RAPGEF5: variants seen among roughly 807,000 people sequenced by gnomAD.
RAPGEF5 encodes Rap guanine nucleotide exchange factor 5.
A neutral mutation model predicts 125.2 loss-of-function variants in RAPGEF5; 65 were observed. The ratio of observed to expected loss-of-function variants is 0.52; its 90% CI spans 0.43 to 0.64. The LOEUF is 0.64. RAPGEF5 is among the 30% of genes least tolerant of loss of function. The pLI, the probability that RAPGEF5 is intolerant of heterozygous loss-of-function variation, is 0.00. For missense variants in RAPGEF5, 958 were observed against 1,048.1 expected, an observed-to-expected ratio of 0.91 and a Z score of 1.19; for synonymous variants, 391 against 385.9, an observed-to-expected ratio of 1.01 and a Z score of -0.16.
At chr7:22,348,018 G>C (rs1387986842) in intron 1 of RAPGEF5, among the ~76,000 whole-genome samples, 1 of 152,260 alleles carries the variant, frequency 6.6e-6, no homozygotes, top group Admixed American at 6.5e-5. Flanking sequence ...CAAGTTTTTA[G>C]AGGAAAAGGA....
intron 1 of RAPGEF5, among the ~76,000 whole-genome samples, chr7:22,352,602 T>G (rs1049147033): frequency 6.6e-6 from 1 of 152,172 alleles, no homozygotes; most frequent in African/African-American, 2.4e-5. Context: ...AAAAGGATAT[T>G]GACTGAAGTG....
At chr7:22,156,943 AC>A in intron 15 of RAPGEF5, 55 bp from the exon 16 acceptor site, 1 of 1,604,474 alleles carries the variant, frequency 6.2e-7, no homozygotes, top group East Asian at 2.2e-5. Context: ...CCTTTGGAAA[AC>A]CATAGCTGTT....
At chr7:22,243,534 G>A (rs961180588) in intron 7 of RAPGEF5, among the ~76,000 whole-genome samples, 5 of 152,032 alleles carry the variant, frequency 3.3e-5, no homozygotes, top group Non-Finnish European at 7.3e-5. Context: ...AGGATTACAG[G>A]CATGAGCCAC....
intron 6 of RAPGEF5, among the ~76,000 whole-genome samples, 167 bp from the exon 7 acceptor site, chr7:22,267,179 A>C (rs1163433279): frequency 6.6e-6 from 1 of 152,094 alleles, no homozygotes; most frequent in Non-Finnish European, 1.5e-5. Context: ...TACATGGAAA[A>C]ACCTCTGCAT....
chr7:22,216,809 T>C (rs1279622657), intron 9 of RAPGEF5, among the ~76,000 whole-genome samples: 1 of 152,222 alleles, frequency 6.6e-6, no homozygotes, highest in African/African-American at 2.4e-5. Context: ...AATTATACAT[T>C]TAACTTCTTA....
intron 20 of RAPGEF5, among the ~76,000 whole-genome samples, chr7:22,143,591 C>A (rs930063054): frequency 1.3e-5 from 2 of 152,196 alleles, no homozygotes; most frequent in Non-Finnish European, 2.9e-5. Context: ...TAACCACAGG[C>A]TCTGCTTCAT....
chr7:22,157,184 T>G (rs1187144239), intron 15 of RAPGEF5, among the ~76,000 whole-genome samples: 1 of 152,218 alleles, frequency 6.6e-6, no homozygotes, highest in Admixed American at 6.5e-5. Context: ...TAGAGTCTCC[T>G]GAGATAAACA....
At chr7:22,306,439 T>C (rs904137984) in intron 5 of RAPGEF5, among the ~76,000 whole-genome samples, 3 of 152,142 alleles carry the variant, frequency 2.0e-5, no homozygotes, top group Non-Finnish European at 4.4e-5. Context: ...TCCTATAGAG[T>C]TGAGTTCCTT....
chr7:22,322,084 T>C (rs1362428511), intron 1 of RAPGEF5, among the ~76,000 whole-genome samples: 1 of 151,616 alleles, frequency 6.6e-6, no homozygotes, highest in Non-Finnish European at 1.5e-5. Flanking sequence ...AGTAACTGAG[T>C]TTCTGCTGTG....
chr7:22,221,795 A>G (rs533910443), intron 8 of RAPGEF5, among the ~76,000 whole-genome samples: 1 of 152,282 alleles, frequency 6.6e-6, no homozygotes, highest in South Asian at 2.1e-4. Flanking sequence ...AAATTACCCA[A>G]TCTCAGGTAT....
chr7:22,310,854 C>A (rs1479784096), intron 3 of RAPGEF5, among the ~76,000 whole-genome samples: 1 of 152,112 alleles, frequency 6.6e-6, no homozygotes, highest in African/African-American at 2.4e-5. Context: ...TCTTAAAACA[C>A]ACAACTATAT....
intron 7 of RAPGEF5, among the ~76,000 whole-genome samples, chr7:22,237,541 A>T (rs142736654): frequency 6.6e-6 from 1 of 150,868 alleles, no homozygotes; most frequent in Non-Finnish European, 1.5e-5. Flanking sequence ...GACAGGCCAG[A>T]CCCTTCATTC....
At chr7:22,262,100 T>C (rs1296524077) in intron 7 of RAPGEF5, among the ~76,000 whole-genome samples, 3 of 152,052 alleles carry the variant, frequency 2.0e-5, no homozygotes, top group Non-Finnish European at 4.4e-5. Flanking sequence ...GAAAGACTCG[T>C]TGAGAGGATG....
At position 22,308,358 on chromosome 7, in the gene RAPGEF5, T is replaced by C; in HGVS notation, c.661A>G (p.Arg221Gly). 6.3e-7 allele frequency: 1 copy of C among 1,588,942 alleles called. No individual in the cohort carries two copies. Among genetic ancestry groups the C allele is most frequent in the Non-Finnish European group, 8.6e-7 (1 of 1,166,448 alleles). Residue 221 changes from arginine to glycine, a missense_variant, in exon 5 of 26, where the codon AGA (arginine) becomes GGA (glycine). Transcript: ENST00000665637. ...ACTTACAGTTCACAGATGCCACCTCTGGCAGGAATGAGAGGCACAAGTTGC... is the reference window on the plus strand; with the variant it reads ...ACTTACAGTTCACAGATGCCACCTCCGGCAGGAATGAGAGGCACAAGTTGC... ...LLQLVPLIPA[R>G]GGICELSHQK... is the part of the protein sequence containing the mutation.
chr7:22,290,606 G>A (rs997085966), intron 6 of RAPGEF5, among the ~76,000 whole-genome samples: 5 of 151,432 alleles, frequency 3.3e-5, no homozygotes, highest in South Asian at 2.1e-4. Flanking sequence ...TTAGCCGGGC[G>A]TAGTGGCGGG....
At chr7:22,324,765 T>C (rs1210807222) in intron 1 of RAPGEF5, among the ~76,000 whole-genome samples, 5 of 152,230 alleles carry the variant, frequency 3.3e-5, no homozygotes, top group African/African-American at 9.6e-5. Context: ...ATGGCTGCCC[T>C]GCCCACTCAG....
intron 11 of RAPGEF5, among the ~76,000 whole-genome samples, chr7:22,175,236 C>A (rs1360059855): frequency 6.6e-6 from 1 of 152,150 alleles, no homozygotes; most frequent in Non-Finnish European, 1.5e-5. Context: ...ACTCAAAGAG[C>A]ACTGGATTTG....
intron 6 of RAPGEF5, 64 bp from the exon 7 acceptor site, chr7:22,267,076 A>C (rs1407963275): frequency 1.4e-6 from 2 of 1,473,236 alleles, no homozygotes; most frequent in Non-Finnish European, 1.9e-6. Flanking sequence ...CAAAAGCAGT[A>C]CTTTGTTCTT....
chr7:22,157,936 T>C (rs1783864897), intron 14 of RAPGEF5, 51 bp from the exon 15 acceptor site: 21 of 1,532,444 alleles, frequency 1.4e-5, no homozygotes, highest in Non-Finnish European at 1.8e-5. Context: ...CCCAGAATAA[T>C]GCAGTTATTG....
Sources: gnomAD v4.1 joint callset for allele counts (sites outside exome capture counted in the v4.1 genomes callset) on GRCh38, gnomAD v4.1.1 for gene constraint, MANE v1.5 for transcripts, NCBI Gene and HGNC (gene_info 2026-07-23, HGNC 2026-07-21) for gene names.